Variants in CDH4 observed in about 807,000 individuals in gnomAD.
CDH4 encodes cadherin 4.
CDH4 carries 33 observed loss-of-function variants against 86.0 expected under a neutral mutation model. That is an observed-to-expected ratio of 0.38 (90% CI 0.29 to 0.51). The LOEUF (loss-of-function observed/expected upper bound fraction) is 0.51, where lower values mean the gene tolerates loss of function less well. Ranked by LOEUF, CDH4 falls within the 20% of genes least tolerant of loss-of-function variation. The pLI is 0.86. For synonymous variants in CDH4, 555 were observed against 549.4 expected, an observed-to-expected ratio of 1.01 and a Z score of -0.14; for missense variants, 1,114 against 1,307.4, an observed-to-expected ratio of 0.85 and a Z score of 2.28.
At chr20:61,448,779 C>T (rs2085365529) in intron 2 of CDH4, among the ~76,000 whole-genome samples, 4 of 152,054 alleles carry the variant, frequency 2.6e-5, no homozygotes, top group South Asian at 4.2e-4. Flanking sequence ...TAGGCACCCG[C>T]GCATCTGAGG....
At chr20:61,319,953 TAAA>T (rs5842349) in intron 2 of CDH4, among the ~76,000 whole-genome samples, 13 of 145,374 alleles carry the variant, frequency 8.9e-5, no homozygotes, top group African/African-American at 2.6e-4. Flanking sequence ...AGACTCCATC[TAAA>T]AAAAAAAAAA....
intron 2 of CDH4, among the ~76,000 whole-genome samples, chr20:61,420,291 C>T: frequency 6.6e-6 from 1 of 152,218 alleles, no homozygotes; most frequent in Non-Finnish European, 1.5e-5. Context: ...CTGGAAAGGG[C>T]TGAAAGAACT....
chr20:61,373,721 A>C (rs1368224314), intron 2 of CDH4, among the ~76,000 whole-genome samples: 2 of 152,210 alleles, frequency 1.3e-5, no homozygotes, highest in African/African-American at 4.8e-5. Flanking sequence ...CCACTGAGGA[A>C]TCACAATAAT....
In CDH4 at chr20:61,663,157, T is replaced by C. The variant is rs1427469220; in HGVS notation, c.170-80406T>C. 3.3e-5 allele frequency among the ~76,000 whole-genome samples: 5 copies of C among 152,232 alleles called. No homozygotes were observed. Among genetic ancestry groups the C allele is most frequent in the Admixed American group, 2.6e-4 (4 of 15,282 alleles). ...GGAGGAGAAATGGAAATGAGGCTAC[T>C]GGGCCTGCAGCTCCATGAGTGTCCA... On this transcript the variant is annotated intron_variant, in intron 2 of 15. Transcript: ENST00000614565. This position sits in a 1 kb window ranked among gnomAD's most constrained non-coding sequence, Gnocchi z 5.0.
At chr20:61,766,226 C>T (rs961111342) in intron 3 of CDH4, among the ~76,000 whole-genome samples, 7 of 151,478 alleles carry the variant, frequency 4.6e-5, no homozygotes, top group African/African-American at 1.7e-4. Context: ...GGCCCCAGCT[C>T]TCCCTAGCCA....
chr20:61,524,026 G>A (rs2085892483), intron 2 of CDH4, among the ~76,000 whole-genome samples: 1 of 152,202 alleles, frequency 6.6e-6, no homozygotes, highest in Admixed American at 6.5e-5. Flanking sequence ...CTTGTGAACT[G>A]TAGGGCTTCC....
intron 4 of CDH4, among the ~76,000 whole-genome samples, chr20:61,774,848 C>T (rs1216907299): frequency 2.0e-5 from 3 of 152,236 alleles, no homozygotes; most frequent in Non-Finnish European, 4.4e-5. Flanking sequence ...CTGCAAAGGA[C>T]ATGATCTCGT....
At chr20:61,785,197 G>T (rs774143363) in intron 4 of CDH4, among the ~76,000 whole-genome samples, 1 of 152,080 alleles carries the variant, frequency 6.6e-6, no homozygotes, top group Admixed American at 6.6e-5. Flanking sequence ...TTCACACGCA[G>T]CCCTGGCCCA....
chr20:61,309,579 A>G (rs1294138109), intron 2 of CDH4, among the ~76,000 whole-genome samples: 5 of 152,216 alleles, frequency 3.3e-5, no homozygotes, highest in Non-Finnish European at 7.3e-5. Flanking sequence ...AAAAGGAGGG[A>G]AAAACTTAGG....
rs368305378 is a variant in CDH4 at position 61,743,724 on chromosome 20, G to A, written c.331G>A (p.Glu111Lys). Residue 111 changes from glutamate to lysine, a missense_variant, in exon 3 of 16, where the codon GAG (glutamate) becomes AAG (lysine). Glu to Lys is a moderately conservative substitution (Grantham distance 56). Coordinates refer to ENST00000614565, the MANE Select transcript of CDH4 (RefSeq NM_001794.5). ...GACTGCATGGGACAGCCAGACAGCA[G>A]AGAAATGGGACGCCGTGGTGCGGTT... is the stretch of plus-strand genomic sequence containing the variant. ...TVTAWDSQTAEKWDAVVRLLV... is the reference protein window; with the variant it reads ...TVTAWDSQTAKKWDAVVRLLV... 9.9e-6 allele frequency: 16 copies of A among 1,611,286 alleles called. No individual in the cohort carries two copies. Among genetic ancestry groups the A allele is most frequent in the Non-Finnish European group, 1.3e-5 (15 of 1,179,130 alleles).
At chr20:61,409,034 G>T (rs1196890071) in intron 2 of CDH4, among the ~76,000 whole-genome samples, 2 of 152,236 alleles carry the variant, frequency 1.3e-5, no homozygotes, top group Non-Finnish European at 2.9e-5. Context: ...CTGCTGGGCA[G>T]GTTTGTCAAA....
In CDH4 at chr20:61,610,245, G is replaced by A. The variant is rs187945723; in HGVS notation, c.170-133318G>A. Among the ~76,000 whole-genome samples, 127 of 152,270 alleles carry A rather than the reference G, an allele frequency of 8.3e-4. 1 individual carries two copies. Among genetic ancestry groups the A allele is most frequent in the Admixed American group, 4.0e-3 (61 of 15,298 alleles). ...TTAGCTCCCACCTGGGACTGAGAAC[G>A]TGTGGTGTTTGTCTTTCAGTGATTG... On this transcript the variant is annotated intron_variant, in intron 2 of 15. Transcript: ENST00000614565.
intron 4 of CDH4, among the ~76,000 whole-genome samples, chr20:61,793,816 G>A (rs1255141983): frequency 1.4e-5 from 2 of 145,512 alleles, no homozygotes; most frequent in African/African-American, 5.1e-5. Flanking sequence ...TCCAGCTTGG[G>A]CGACAGAGTG....
rs538664833 is a variant in CDH4, at chr20:61,928,307, C to T, written c.1889C>T (p.Ala630Val). The T allele has an allele frequency of 6.2e-7, 1 of 1,610,870 alleles. No homozygotes were observed. The highest frequency in any genetic ancestry group is 1.1e-5 in the South Asian group (1 of 91,088). ...AQICEKPNLN[A>V]INITAADADV... ...ATCTGCGAGAAGCCCAACCTGAACG[C>T]CATCAACATCACGGCGGCCGACGCT... The change falls in exon 12 of 16, where the codon GCC becomes GTC. Residue 630 changes from alanine to valine, a missense_variant. Physicochemically the swap from Ala to Val is moderately conservative, Grantham distance 64. Transcript: ENST00000614565.
intron 2 of CDH4, among the ~76,000 whole-genome samples, chr20:61,380,008 T>G (rs1187811659): frequency 6.6e-6 from 1 of 152,116 alleles, no homozygotes; most frequent in Non-Finnish European, 1.5e-5. Flanking sequence ...AAAGACTAAT[T>G]TGACATTGTC....
At chr20:61,373,093 T>A (rs761621068) in intron 2 of CDH4, among the ~76,000 whole-genome samples, 4 of 152,280 alleles carry the variant, frequency 2.6e-5, no homozygotes, top group Non-Finnish European at 4.4e-5. Flanking sequence ...AGAGCCCACA[T>A]TGCTGCAATG....
At chr20:61,396,073 C>T (rs894662000) in intron 2 of CDH4, among the ~76,000 whole-genome samples, 1 of 152,176 alleles carries the variant, frequency 6.6e-6, no homozygotes, top group East Asian at 1.9e-4. Context: ...GTTTTATTGG[C>T]GCTCAGGCCC....
intron 2 of CDH4, among the ~76,000 whole-genome samples, chr20:61,375,082 C>A (rs1227068779): frequency 6.6e-6 from 1 of 152,180 alleles, no homozygotes; most frequent in Admixed American, 6.5e-5. Flanking sequence ...CCTCATGTCT[C>A]CCTAAAACCT....
intron 7 of CDH4, among the ~76,000 whole-genome samples, chr20:61,886,729 C>T (rs1040368419): frequency 2.0e-5 from 3 of 152,350 alleles, no homozygotes; most frequent in Middle Eastern, 3.4e-3. Flanking sequence ...GAGCACTCAC[C>T]AGCCCCTGAC....
Sources: allele counts gnomAD v4.1 joint callset (sites outside exome capture counted in the v4.1 genomes callset), GRCh38; gene constraint gnomAD v4.1.1; non-coding constraint Gnocchi (gnomAD v3.1); transcripts MANE v1.5; gene names NCBI Gene and HGNC (gene_info 2026-07-23, HGNC 2026-07-21).